The following MRPL37 variants were observed in gnomAD, a reference collection of about 807,000 sequenced individuals.
MRPL37 encodes the protein large ribosomal subunit protein mL37.
In MRPL37, 34 loss-of-function variants were observed where a neutral mutation model predicts 44.1. The ratio of observed to expected loss-of-function variants is 0.77; its 90% CI spans 0.59 to 1.03. The LOEUF is 1.03. Among genes scored for constraint, MRPL37 ranks in the 50% least tolerant of loss-of-function variants. MRPL37 has a pLI of 0.00. For missense variants in MRPL37, 532 were observed against 543.7 expected (o/e 0.98, Z 0.21); for synonymous variants, 212 against 219.5 (o/e 0.97, Z 0.30).
Position 54,200,397 on chromosome 1 carries a change from A to G in MRPL37, c.154A>G (p.Ile52Val), listed in dbSNP as rs534430418. The G allele has an allele frequency of 6.2e-7, 1 of 1,614,094 alleles. No homozygotes were observed. Among genetic ancestry groups the G allele is most frequent in the Non-Finnish European group, 8.5e-7 (1 of 1,180,022 alleles). The part of the protein sequence containing the change: ...EPPPLDRVYE[I>V]PGLEPITFAG... ...TCCTCCCCTGGATAGGGTGTACGAG[A>G]TCCCTGGACTGGAGCCCATCACCTT... is the stretch of plus-strand genomic sequence containing the variant. Residue 52 changes from isoleucine to valine, a missense_variant, in exon 1 of 7, where the codon ATC (isoleucine) becomes GTC (valine). Ile to Val is a conservative substitution (Grantham distance 29). Coordinates refer to ENST00000360840, the MANE Select transcript of MRPL37 (RefSeq NM_016491.4).
rs557937091 is a variant in MRPL37, at chr1:54,217,386, C to CT, written c.1195-785dup. Among the ~76,000 whole-genome samples the CT allele has an allele frequency of 1.5e-4, 23 of 152,308 alleles. No individual in the cohort carries two copies. The South Asian group carries it at 4.8e-3, about 32-fold the overall frequency. On this transcript the variant is annotated intron_variant, in intron 6 of 6. Transcript: ENST00000360840. ...CTTAGTCAGGTTTTCCCTCCTGACT[C>CT]TGTGTCTTCAGGTTCTCTTCCCTCA...
rs1644114263 is a variant in MRPL37, at chr1:54,205,356, C to T, written c.592C>T (p.Leu198=). 2 of 1,614,038 alleles carry T rather than the reference C, an allele frequency of 1.2e-6. No individual in the cohort carries two copies. Among genetic ancestry groups the T allele is most frequent in the Admixed American group, 1.7e-5 (1 of 59,986 alleles). The change falls in exon 3 of 7, where the codon CTG becomes TTG. Residue 198 remains leucine (L), a synonymous_variant. Coordinates refer to ENST00000360840, the MANE Select transcript of MRPL37 (RefSeq NM_016491.4). Reference sequence around the variant, plus strand: ...ATCTCAGATTCTCAAGCATCCTTCTCTGGCCAGGAGGATCTGTGTCCAAAA... The same window carrying T: ...ATCTCAGATTCTCAAGCATCCTTCTTTGGCCAGGAGGATCTGTGTCCAAAA... ...CKSQILKHPS[L]ARRICVQNST...
At chr1:54,223,902 G>C (rs150236243), downstream of MRPL37, among the ~76,000 whole-genome samples, 15 of 152,382 alleles carry the variant, frequency 9.8e-5, no homozygotes, top group Non-Finnish European at 8.8e-5. Context: ...TCTTTGCTCA[G>C]AGATCTGCCC....
At chr1:54,218,580 TG>T (rs1644213400), downstream of MRPL37, among the ~76,000 whole-genome samples, 1 of 152,234 alleles carries the variant, frequency 6.6e-6, no homozygotes, top group Non-Finnish European at 1.5e-5. Flanking sequence ...TTGAAGACTC[TG>T]GGTTATGTGT....
chr1:54,203,079 A>C (rs2100500288), intron 1 of MRPL37, among the ~76,000 whole-genome samples: 1 of 152,348 alleles, frequency 6.6e-6, no homozygotes. Context: ...CATCCCACTG[A>C]GAGTAGCTAA....
At chr1:54,221,622 G>A (rs184394973), downstream of MRPL37, among the ~76,000 whole-genome samples, 31 of 152,196 alleles carry the variant, frequency 2.0e-4, no homozygotes, top group Admixed American at 1.6e-3. Context: ...GCATACATGC[G>A]CGCACACATG....
intron 3 of MRPL37, 32 bp downstream of exon 3, chr1:54,205,442 T>G (rs1251271522): frequency 6.3e-7 from 1 of 1,583,290 alleles, no homozygotes; most frequent in Non-Finnish European, 8.7e-7. Flanking sequence ...AAAGCCTTGG[T>G]CTGTTTTTTT....
intron 5 of MRPL37, among the ~76,000 whole-genome samples, chr1:54,214,462 C>T (rs35610249): frequency 0.016 from 2,493 of 152,166 alleles, 53 homozygotes; most frequent in East Asian, 0.07. Context: ...CTGAAGGCTC[C>T]GAAAGATTAG....
At chr1:54,221,594 T>G (rs1271540606), downstream of MRPL37, among the ~76,000 whole-genome samples, 1 of 152,096 alleles carries the variant, frequency 6.6e-6, no homozygotes, top group Non-Finnish European at 1.5e-5. Context: ...CCATGTTCAC[T>G]CTCACACACG....
At position 54,205,268 on chromosome 1, in the gene MRPL37, C is replaced by T. The variant is rs1032406668; in HGVS notation, c.531-27C>T. 3 of 1,609,290 alleles carry T rather than the reference C, an allele frequency of 1.9e-6. No homozygotes were observed. The Admixed American group carries it at 5.0e-5, about 27-fold the overall frequency. On this transcript the variant is annotated intron_variant, in intron 2 of 6. Transcript: ENST00000360840. ...TTCGAGTCGACCTGTTGCTTTAAGT[C>T]CCCAAATGTCTCTTTTTGTCTTCAA...
intron 3 of MRPL37, among the ~76,000 whole-genome samples, chr1:54,208,239 G>A (rs12068817): frequency 6.6e-6 from 1 of 152,074 alleles, no homozygotes; most frequent in East Asian, 1.9e-4. Context: ...CCTTTCCTAA[G>A]TTTAAGAATC....
chr1:54,220,654 T>C (rs993732038), downstream of MRPL37: 2 of 471,720 alleles, frequency 4.2e-6, no homozygotes, highest in African/African-American at 4.0e-5. Flanking sequence ...ACCAGCTTCG[T>C]CCTCACTCCC....
At chr1:54,205,491 C>T (rs949348517) in intron 3 of MRPL37, 81 bp downstream of exon 3, 1 of 1,170,098 alleles carries the variant, frequency 8.5e-7, no homozygotes, top group Non-Finnish European at 1.2e-6. Flanking sequence ...GCTCCCATCC[C>T]CCTGCCCCCA....
chr1:54,216,434 T>C (rs891604675), intron 6 of MRPL37, 90 bp downstream of exon 6: 2 of 1,445,846 alleles, frequency 1.4e-6, no homozygotes, highest in African/African-American at 2.8e-5. Flanking sequence ...GGGTGCTCTG[T>C]GAGGAGAGCC....
chr1:54,223,970 A>G (rs10788975), downstream of MRPL37, among the ~76,000 whole-genome samples: 57,789 of 152,128 alleles, frequency 0.38, 12,192 homozygotes, highest in African/African-American at 0.56. Flanking sequence ...GGCAACTGCC[A>G]GGCTGCCGAG....
chr1:54,216,466 C>G (rs889862057), intron 6 of MRPL37, 122 bp downstream of exon 6: 2 of 1,154,324 alleles, frequency 1.7e-6, no homozygotes, highest in African/African-American at 3.1e-5. Context: ...GACTTCCCAC[C>G]CGGGATCTCT....
rs35715215 is a variant in MRPL37, at chr1:54,212,362, G to A, written c.833-139G>A. The A allele has an allele frequency of 2.4e-4, 250 of 1,054,360 alleles. 1 individual carries two copies. In the African/African-American group the frequency reaches 3.6e-3, roughly 15 times the overall value. The allele number at this position is 1,054,360 out of a possible 1,614,324, so 65.3% of individuals were successfully genotyped here. On this transcript the variant is annotated intron_variant, in intron 4 of 6. Coordinates refer to ENST00000360840, the MANE Select transcript of MRPL37 (RefSeq NM_016491.4). ...AGCAAGCTGAAGTTTGCCAGCCCCC[G>A]AGCTATAGTGATAGTATCCACCTTT...
downstream of MRPL37, among the ~76,000 whole-genome samples, chr1:54,222,025 C>G (rs1644238290): frequency 6.6e-6 from 1 of 152,226 alleles, no homozygotes; most frequent in Non-Finnish European, 1.5e-5. Context: ...GGGCGCCTAC[C>G]CACCCACAGG....
chr1:54,224,965 T>TGCCAACAGTC (rs1553120025), downstream of MRPL37, among the ~76,000 whole-genome samples: 43 of 105,126 alleles, frequency 4.1e-4, no homozygotes, highest in Admixed American at 3.6e-3. Context: ...AACCTCCCTG[T>TGCCAACAGTC]GCCAACAGTC....
Sources: allele counts gnomAD v4.1 joint callset (sites outside exome capture counted in the v4.1 genomes callset), GRCh38; gene constraint gnomAD v4.1.1; transcripts MANE v1.5; gene names NCBI Gene and HGNC (gene_info 2026-07-23, HGNC 2026-07-21).